FARP1: variants seen among roughly 807,000 people sequenced by gnomAD.
FARP1 encodes FERM, ARHGEF and pleckstrin domain-containing protein 1.
In FARP1, 52 loss-of-function variants were observed where a neutral mutation model predicts 128.8. The ratio of observed to expected loss-of-function variants is 0.40; its 90% CI spans 0.32 to 0.51. The LOEUF (loss-of-function observed/expected upper bound fraction) is 0.51. FARP1 is among the 20% of genes least tolerant of loss of function. FARP1 has a pLI of 0.45. For synonymous variants in FARP1, 580 were observed against 551.8 expected, an observed-to-expected ratio of 1.05 and a Z score of -0.72; for missense variants, 1,333 against 1,367.9, an observed-to-expected ratio of 0.97 and a Z score of 0.40.
At chr13:98,423,411 T>G (rs1055301914) in intron 16 of FARP1, among the ~76,000 whole-genome samples, 4 of 152,084 alleles carry the variant, frequency 2.6e-5, no homozygotes, top group Non-Finnish European at 5.9e-5. Context: ...CTAGTGCCAG[T>G]TTTGTTTGTT....
chr13:98,290,767 A>G (rs1178372021), intron 2 of FARP1, among the ~76,000 whole-genome samples: 2 of 152,126 alleles, frequency 1.3e-5, no homozygotes, highest in African/African-American at 4.8e-5. Context: ...AGCTGACAAG[A>G]TCTCCTAAAG....
chr13:98,281,539 C>T (rs1433894915), intron 2 of FARP1, among the ~76,000 whole-genome samples: 2 of 152,124 alleles, frequency 1.3e-5, no homozygotes, highest in Non-Finnish European at 2.9e-5. Flanking sequence ...TCACTACAGT[C>T]CACATTCACT....
intron 16 of FARP1, among the ~76,000 whole-genome samples, chr13:98,423,080 G>A (rs1294073764): frequency 6.6e-6 from 1 of 152,176 alleles, no homozygotes; most frequent in Non-Finnish European, 1.5e-5. Flanking sequence ...GGAGAAAGAT[G>A]TAGGCTGGGC....
chr13:98,452,225 G>C lies in FARP1; in HGVS notation c.*3908G>C, dbSNP rs1236592674. The C allele has an allele frequency of 6.6e-6, 1 of 152,202 alleles. No individual in the cohort carries two copies. The highest frequency in any genetic ancestry group is 6.5e-5 in the Admixed American group (1 of 15,272). 9.4% of individuals were successfully genotyped at this position (152,202 alleles called of 1,614,324 possible). On this transcript the variant is annotated 3_prime_UTR_variant, in exon 27 of 27. Coordinates refer to ENST00000319562, the MANE Select transcript of FARP1 (RefSeq NM_005766.4). ...TTTTAGGTGGGAAAGATGATATGCA[G>C]AATCCACTACAAGGTGCAACAGAAA...
intron 2 of FARP1, among the ~76,000 whole-genome samples, chr13:98,274,084 A>G (rs902000961): frequency 1.3e-5 from 2 of 152,228 alleles, no homozygotes; most frequent in African/African-American, 2.4e-5. Context: ...CACCCTCTCC[A>G]CCAGCATACA....
intron 2 of FARP1, among the ~76,000 whole-genome samples, chr13:98,286,193 A>C (rs1249586366): frequency 1.3e-5 from 2 of 152,064 alleles, no homozygotes; most frequent in African/African-American, 4.8e-5. Flanking sequence ...AGCAGTCACC[A>C]GATCTTGTGA....
In FARP1 at chr13:98,343,978, T is replaced by C. The variant is rs984617452; in HGVS notation, c.276+112T>C. On this transcript the variant is annotated intron_variant, in intron 3 of 26. Coordinates refer to ENST00000319562, the MANE Select transcript of FARP1 (RefSeq NM_005766.4). ...GTGAGATATTTTCATGCTGTCTGTT[T>C]TGTCTGTGAAGTCTTCAAATCTGGT... 4 of 759,368 alleles carry C rather than the reference T, an allele frequency of 5.3e-6. No individual in the cohort carries two copies. The Admixed American group carries it at 7.8e-5, about 15-fold the overall frequency. The allele number at this position is 759,368 out of a possible 1,614,324, so 47.0% of individuals were successfully genotyped here.
At chr13:98,233,325 G>A (rs1566774591) in intron 2 of FARP1, among the ~76,000 whole-genome samples, 1 of 152,130 alleles carries the variant, frequency 6.6e-6, no homozygotes, top group African/African-American at 2.4e-5. Context: ...AGCCAGGCTG[G>A]TTAACTATGC....
intron 13 of FARP1, chr13:98,396,259 A>G: frequency 2.5e-6 from 1 of 399,190 alleles, no homozygotes. Context: ...TGCCAGAGGC[A>G]TGGCGGGGCA....
At chr13:98,267,689 T>C (rs1375845424) in intron 2 of FARP1, among the ~76,000 whole-genome samples, 2 of 152,200 alleles carry the variant, frequency 1.3e-5, no homozygotes, top group South Asian at 2.1e-4. Flanking sequence ...ATCCAGACAG[T>C]GTATGTCCCC....
At chr13:98,336,576 A>G (rs1334784856) in intron 2 of FARP1, among the ~76,000 whole-genome samples, 2 of 152,114 alleles carry the variant, frequency 1.3e-5, no homozygotes, top group African/African-American at 4.8e-5. Flanking sequence ...CCGGCCTAGA[A>G]ATGTTTTAAA....
chr13:98,156,272 A>G (rs2139113396), intron 1 of FARP1, among the ~76,000 whole-genome samples: 2 of 152,346 alleles, frequency 1.3e-5, no homozygotes, highest in Middle Eastern at 3.4e-3. Flanking sequence ...GACTTAAGAC[A>G]TGGTAGCTGT....
chr13:98,261,121 A>G (rs567465822), intron 2 of FARP1, among the ~76,000 whole-genome samples: 1 of 152,288 alleles, frequency 6.6e-6, no homozygotes, highest in East Asian at 1.9e-4. Context: ...CTGCGTGGTG[A>G]CAGCTGTTGA....
At position 98,440,730 on chromosome 13, in the gene FARP1, G is replaced by A. The variant is rs1157099768; in HGVS notation, c.2690G>A (p.Arg897His). ...QESEDDLSAS[R>H]TSLERQAPHR... ...TCAGAGGATGACCTGAGCGCCTCGC[G>A]CACATCGCTGGAGCGCCAGGCCCCG... is the stretch of plus-strand genomic sequence containing the variant. Residue 897 changes from arginine (R) to histidine (H), a missense_variant, in exon 24 of 27, where the codon CGC (arginine) becomes CAC (histidine). Physicochemically the swap from Arg to His is conservative, Grantham distance 29. Transcript: ENST00000319562. The A allele has an allele frequency of 6.2e-6, 10 of 1,613,488 alleles. No individual in the cohort carries two copies. Among genetic ancestry groups the A allele is most frequent in the East Asian group, 2.2e-5 (1 of 44,880 alleles).
At chr13:98,232,248 A>G (rs1436915150) in intron 2 of FARP1, among the ~76,000 whole-genome samples, 5 of 145,160 alleles carry the variant, frequency 3.4e-5, no homozygotes, top group African/African-American at 1.0e-4. Context: ...ACAGTTTGGT[A>G]TACAGTCACT....
chr13:98,224,866 T>C (rs943982964), intron 2 of FARP1, among the ~76,000 whole-genome samples: 1 of 152,212 alleles, frequency 6.6e-6, no homozygotes, highest in African/African-American at 2.4e-5. Context: ...TCAGGCTCTC[T>C]TCCTCTGCCT....
At chr13:98,394,706 G>T (rs1890446970) in intron 12 of FARP1, among the ~76,000 whole-genome samples, 1 of 152,142 alleles carries the variant, frequency 6.6e-6, no homozygotes, top group African/African-American at 2.4e-5. Context: ...AGGCTGAGGT[G>T]GGAGGATTGC....
chr13:98,320,592 CT>C (rs1247859432), intron 2 of FARP1, among the ~76,000 whole-genome samples: 1 of 152,046 alleles, frequency 6.6e-6, no homozygotes, highest in African/African-American at 2.4e-5. Flanking sequence ...ATTTAACTTG[CT>C]TTTTTGGTAT....
chr13:98,407,053 T>G (rs1891007650), intron 13 of FARP1: 1 of 152,726 alleles, frequency 6.5e-6, no homozygotes. Flanking sequence ...CTAACTACCT[T>G]TTATTCTCGG....
Sources: gnomAD v4.1 joint callset for allele counts (sites outside exome capture counted in the v4.1 genomes callset) on GRCh38, gnomAD v4.1.1 for gene constraint, MANE v1.5 for transcripts, NCBI Gene and HGNC (gene_info 2026-07-23, HGNC 2026-07-21) for gene names.